ITPK1: variants seen among roughly 807,000 people sequenced by gnomAD.
ITPK1 encodes the protein inositol-tetrakisphosphate 1-kinase.
ITPK1 carries 21 observed loss-of-function variants against 45.3 expected under a neutral mutation model. The ratio of observed to expected loss-of-function variants is 0.46; its 90% CI spans 0.33 to 0.67. The LOEUF is 0.67. Among genes scored for constraint, ITPK1 ranks in the 30% least tolerant of loss-of-function variants. The pLI is 0.02. For missense variants in ITPK1, 474 were observed against 573.5 expected (o/e 0.83, Z 1.77); for synonymous variants, 258 against 253.6 (o/e 1.02, Z -0.16).
At chr14:93,109,686 T>C (rs1892666591) in intron 2 of ITPK1, among the ~76,000 whole-genome samples, 1 of 152,190 alleles carries the variant, frequency 6.6e-6, no homozygotes, top group Non-Finnish European at 1.5e-5. Context: ...AATATTCAGA[T>C]GGGCCATGTG....
chr14:92,990,132 G>A (rs1481754873), intron 5 of ITPK1, among the ~76,000 whole-genome samples: 1 of 152,212 alleles, frequency 6.6e-6, no homozygotes, highest in Non-Finnish European at 1.5e-5. Flanking sequence ...TCAGAACAAG[G>A]ACTCAATTTC....
At chr14:93,108,009 G>C (rs1217120469) in intron 2 of ITPK1, among the ~76,000 whole-genome samples, 1 of 152,232 alleles carries the variant, frequency 6.6e-6, no homozygotes, top group African/African-American at 2.4e-5. Context: ...AGTGGTGAGT[G>C]GGGAGCACTC....
intron 3 of ITPK1, among the ~76,000 whole-genome samples, chr14:93,024,124 A>G (rs937305205): frequency 5.3e-5 from 8 of 151,388 alleles, no homozygotes. Context: ...CACGTAACAA[A>G]GCCTGACCGC....
intron 3 of ITPK1, among the ~76,000 whole-genome samples, chr14:93,066,931 G>A (rs1228791346): frequency 6.6e-6 from 1 of 152,130 alleles, no homozygotes; most frequent in African/African-American, 2.4e-5. Flanking sequence ...CTCCTCCTCA[G>A]AGTCTCAGCC....
intron 3 of ITPK1, among the ~76,000 whole-genome samples, chr14:93,050,354 C>G: frequency 6.6e-6 from 1 of 152,092 alleles, no homozygotes; most frequent in Middle Eastern, 3.2e-3. Context: ...GGCTGCAAGC[C>G]CCCGAATATG....
chr14:92,942,243 A>G (rs2034609132), intron 10 of ITPK1, among the ~76,000 whole-genome samples: 1 of 152,192 alleles, frequency 6.6e-6, no homozygotes, highest in Admixed American at 6.5e-5. Context: ...GGTAAAAGCC[A>G]GTACATGTGC....
chr14:93,107,109 C>T (rs887118017), intron 2 of ITPK1, among the ~76,000 whole-genome samples: 2 of 152,172 alleles, frequency 1.3e-5, no homozygotes, highest in Non-Finnish European at 2.9e-5. Flanking sequence ...AAGCACCTGC[C>T]ACCATGCCCT....
intron 3 of ITPK1, among the ~76,000 whole-genome samples, chr14:93,066,585 T>A (rs534121711): frequency 4.3e-4 from 66 of 152,018 alleles, no homozygotes; most frequent in Non-Finnish European, 8.5e-4. Flanking sequence ...TTTGTATTTT[T>A]AGTAGAGACA....
intron 8 of ITPK1, among the ~76,000 whole-genome samples, 175 bp from the exon 9 acceptor site, chr14:92,952,188 A>G (rs1209501516): frequency 6.6e-6 from 1 of 152,170 alleles, no homozygotes; most frequent in Non-Finnish European, 1.5e-5. Flanking sequence ...TGTGTGCCCC[A>G]TCAGGGCTCC....
At chr14:93,100,532 A>AGGAGGGAGAGAG (rs1566786187) in intron 2 of ITPK1, among the ~76,000 whole-genome samples, 1 of 150,388 alleles carries the variant, frequency 6.6e-6, no homozygotes, top group Non-Finnish European at 1.5e-5. Flanking sequence ...GGGGGGAGAG[A>AGGAGGGAGAGAG]GGAGGGAGAG....
chr14:93,110,187 G>A (rs1402397029), intron 2 of ITPK1, among the ~76,000 whole-genome samples: 1 of 152,074 alleles, frequency 6.6e-6, no homozygotes, highest in Non-Finnish European at 1.5e-5. Flanking sequence ...GCACACGGAC[G>A]CTTCCTCCTA....
At chr14:93,027,557 AC>A (rs1888802083) in intron 3 of ITPK1, among the ~76,000 whole-genome samples, 3 of 151,948 alleles carry the variant, frequency 2.0e-5, no homozygotes, top group Non-Finnish European at 2.9e-5. Context: ...AGGGAGGCAG[AC>A]TCTGGGCTAG....
chr14:93,022,951 C>T (rs1888545532), intron 3 of ITPK1, among the ~76,000 whole-genome samples: 1 of 152,232 alleles, frequency 6.6e-6, no homozygotes, highest in South Asian at 2.1e-4. Context: ...CATGAACCAA[C>T]ATTTACTGTG....
In ITPK1 at chr14:93,115,917, C is replaced by T. The variant is rs1456862927; in HGVS notation, c.-288G>A. On this transcript the variant is annotated 5_prime_UTR_variant, in exon 1 of 11. Coordinates refer to ENST00000267615, the MANE Select transcript of ITPK1 (RefSeq NM_014216.6). The stretch of plus-strand genomic sequence containing the variant: ...GCCGCCCCGCTTGAGCCCGCGGCGG[C>T]GAGGAAGCGGCGGGGCGGCCGCCAG... 1 of 146,140 alleles carries T rather than the reference C, an allele frequency of 6.8e-6. No individual in the cohort carries two copies. The highest frequency in any genetic ancestry group is 1.5e-5 in the Non-Finnish European group (1 of 65,830). The allele number at this position is 146,140 out of a possible 1,614,324, so 9.1% of individuals were successfully genotyped here. A position where few individuals can be genotyped will look rare whatever the true frequency, so the allele number is the denominator to read the frequency against.
chr14:93,094,719 C>A (rs540901015), intron 2 of ITPK1, among the ~76,000 whole-genome samples: 1 of 152,338 alleles, frequency 6.6e-6, no homozygotes, highest in East Asian at 1.9e-4. Context: ...ACCTGGCAGT[C>A]ACAGCGTGGG....
chr14:93,018,981 T>C (rs1888333472), intron 3 of ITPK1, among the ~76,000 whole-genome samples: 1 of 152,186 alleles, frequency 6.6e-6, no homozygotes, highest in African/African-American at 2.4e-5. Flanking sequence ...TTGATGGCTC[T>C]CTTCACAGAT....
chr14:92,954,247 G>T (rs969992190), intron 8 of ITPK1, among the ~76,000 whole-genome samples: 2 of 152,194 alleles, frequency 1.3e-5, no homozygotes, highest in African/African-American at 4.8e-5. Flanking sequence ...TTTTGGCAGG[G>T]CAGTGAGAGA....
At chr14:93,111,649 T>G (rs1197792781) in intron 2 of ITPK1, among the ~76,000 whole-genome samples, 1 of 147,296 alleles carries the variant, frequency 6.8e-6, no homozygotes, top group Admixed American at 6.9e-5. Flanking sequence ...AGGCGGAGGT[T>G]GCAGTGAGCC....
intron 2 of ITPK1, among the ~76,000 whole-genome samples, chr14:93,086,386 G>A (rs1249884128): frequency 6.6e-6 from 1 of 152,232 alleles, no homozygotes; most frequent in Admixed American, 6.5e-5. Flanking sequence ...GCAGCTCCTG[G>A]TCCCTGGATC....
Sources: allele counts gnomAD v4.1 joint callset (sites outside exome capture counted in the v4.1 genomes callset), GRCh38; gene constraint gnomAD v4.1.1; transcripts MANE v1.5; gene names NCBI Gene and HGNC (gene_info 2026-07-23, HGNC 2026-07-21).